Variants in EPB41L5 observed in about 807,000 individuals in gnomAD.
EPB41L5 encodes the protein erythrocyte membrane protein band 4.1 like 5.
EPB41L5 carries 55 observed loss-of-function variants against 106.6 expected under a neutral mutation model. The ratio of observed to expected loss-of-function variants is 0.52; its 90% CI spans 0.42 to 0.65. EPB41L5 has a LOEUF of 0.65. EPB41L5 is among the 30% of genes least tolerant of loss of function. EPB41L5 has a pLI of 0.00. For missense variants in EPB41L5, 871 were observed against 882.1 expected (o/e 0.99, Z 0.16); for synonymous variants, 297 against 306.7 (o/e 0.97, Z 0.33).
intron 24 of EPB41L5, among the ~76,000 whole-genome samples, chr2:120,170,443 G>A (rs910564459): frequency 6.6e-6 from 1 of 152,348 alleles, no homozygotes; most frequent in East Asian, 1.9e-4. Flanking sequence ...CAGAGCTCTT[G>A]GCAGGATTCA....
At chr2:120,024,804 G>A (rs755826467) in intron 2 of EPB41L5, among the ~76,000 whole-genome samples, 4 of 152,058 alleles carry the variant, frequency 2.6e-5, no homozygotes, top group Non-Finnish European at 4.4e-5. Context: ...GATGGATTAC[G>A]TTTATTGATT....
chr2:120,160,629 G>A (rs1229653922), intron 20 of EPB41L5: 1 of 416,792 alleles, frequency 2.4e-6, no homozygotes, highest in African/African-American at 2.0e-5. Flanking sequence ...CAGCGTAAGA[G>A]GGTTACCCTT....
intron 3 of EPB41L5, among the ~76,000 whole-genome samples, chr2:120,047,754 A>G (rs1043675649): frequency 1.3e-5 from 2 of 152,180 alleles, no homozygotes; most frequent in African/African-American, 4.8e-5. Flanking sequence ...TTCAAAGGGA[A>G]TGCTTCCAGT....
At chr2:120,123,646 CTTTTTTTTTTTTTT>C (rs869296989) in intron 16 of EPB41L5, among the ~76,000 whole-genome samples, 1 of 68,304 alleles carries the variant, frequency 1.5e-5, no homozygotes, top group Non-Finnish European at 2.8e-5. Context: ...GTGTTCGTCC[CTTTTTTTTTTTTTT>C]TTTTTTTTTT....
At chr2:120,116,870 AT>A (rs1232334212) in intron 16 of EPB41L5, among the ~76,000 whole-genome samples, 1 of 152,098 alleles carries the variant, frequency 6.6e-6, no homozygotes, top group Non-Finnish European at 1.5e-5. Flanking sequence ...AAAAGAATGA[AT>A]GTCAAAATAC....
At chr2:120,106,014 GC>G (rs1431881652) in intron 16 of EPB41L5, 42 of 984,912 alleles carry the variant, frequency 4.3e-5, no homozygotes, top group Non-Finnish European at 5.1e-5. Flanking sequence ...TGCAGGACAT[GC>G]TCATATAATG....
intron 24 of EPB41L5, among the ~76,000 whole-genome samples, chr2:120,171,885 G>A (rs1687689963): frequency 6.6e-6 from 1 of 151,866 alleles, no homozygotes; most frequent in African/African-American, 2.4e-5. Context: ...TAAAGGCAAT[G>A]TGAATTTTGA....
intron 24 of EPB41L5, among the ~76,000 whole-genome samples, chr2:120,169,437 A>ATCTT (rs1402275280): frequency 4.6e-5 from 7 of 152,338 alleles, no homozygotes; most frequent in Admixed American, 3.9e-4. Flanking sequence ...ATAGACAAAG[A>ATCTT]TCTTTTAAAC....
At chr2:120,062,873 A>G (rs1387683875) in intron 3 of EPB41L5, among the ~76,000 whole-genome samples, 1 of 152,148 alleles carries the variant, frequency 6.6e-6, no homozygotes, top group Non-Finnish European at 1.5e-5. Flanking sequence ...AATACCACAG[A>G]GGATTCTGTT....
chr2:120,117,511 C>T lies in EPB41L5; in HGVS notation c.1338-10177C>T, dbSNP rs73952038. Reference sequence around the variant, plus strand: ...GCCTGACTCTCCTTCATTGAGGATTCTGCATTTGACCAGCAGAGTATGAGA... The same window carrying T: ...GCCTGACTCTCCTTCATTGAGGATTTTGCATTTGACCAGCAGAGTATGAGA... On this transcript the variant is annotated intron_variant, in intron 16 of 24. Coordinates refer to ENST00000263713, the MANE Select transcript of EPB41L5 (RefSeq NM_020909.4). Among the ~76,000 whole-genome samples the T allele has an allele frequency of 7.7e-3, 1,168 of 152,268 alleles. 12 individuals carry two copies. The highest frequency in any genetic ancestry group is 0.027 in the African/African-American group (1,108 of 41,572).
chr2:120,080,042 T>TA (rs1682533261), intron 10 of EPB41L5, among the ~76,000 whole-genome samples: 1 of 152,208 alleles, frequency 6.6e-6, no homozygotes, highest in Non-Finnish European at 1.5e-5. Context: ...TCTTTCTTGA[T>TA]AATTAGGCTG....
At chr2:120,132,499 A>T (rs1184884984) in intron 18 of EPB41L5, among the ~76,000 whole-genome samples, 3 of 152,220 alleles carry the variant, frequency 2.0e-5, no homozygotes, top group Non-Finnish European at 4.4e-5. Context: ...AGAGACCAGC[A>T]GAGAGTAGAA....
chr2:120,124,577 A>C (rs1685375150), intron 16 of EPB41L5, among the ~76,000 whole-genome samples: 1 of 152,224 alleles, frequency 6.6e-6, no homozygotes, highest in African/African-American at 2.4e-5. Context: ...CAAAAATCAA[A>C]GATAGGTTTT....
At chr2:120,055,546 T>G (rs1388845668) in intron 3 of EPB41L5, among the ~76,000 whole-genome samples, 1 of 138,784 alleles carries the variant, frequency 7.2e-6, no homozygotes, top group East Asian at 2.2e-4. Context: ...TGGAGTGCAG[T>G]GGTGTGATCT....
chr2:120,116,997 C>G (rs1420397136), intron 16 of EPB41L5, among the ~76,000 whole-genome samples: 1 of 151,900 alleles, frequency 6.6e-6, no homozygotes, highest in Non-Finnish European at 1.5e-5. Flanking sequence ...TGGATGTTAC[C>G]CTTGAAAATA....
chr2:120,071,017 A>G (rs564575925), intron 3 of EPB41L5, among the ~76,000 whole-genome samples: 43 of 152,228 alleles, frequency 2.8e-4, no homozygotes, highest in African/African-American at 1.0e-3. Context: ...GAAATAAAGC[A>G]TATTCATATG....
chr2:120,070,142 A>G (rs1681756546), intron 3 of EPB41L5, among the ~76,000 whole-genome samples: 1 of 152,184 alleles, frequency 6.6e-6, no homozygotes, highest in African/African-American at 2.4e-5. Context: ...AAAATGATAA[A>G]ATGGAAATCA....
At chr2:120,095,681 T>C (rs540022267) in intron 14 of EPB41L5, among the ~76,000 whole-genome samples, 1 of 152,118 alleles carries the variant, frequency 6.6e-6, no homozygotes, top group Non-Finnish European at 1.5e-5. Flanking sequence ...TTAATTAATT[T>C]TTTTTGAGAC....
intron 13 of EPB41L5, 81 bp from the exon 14 acceptor site, chr2:120,093,168 G>C: frequency 9.0e-7 from 1 of 1,109,328 alleles, no homozygotes. Context: ...AAAGCAATTA[G>C]TTAAAGTTTT....
Sources: gnomAD v4.1 joint callset for allele counts (sites outside exome capture counted in the v4.1 genomes callset) on GRCh38, gnomAD v4.1.1 for gene constraint, MANE v1.5 for transcripts, NCBI Gene and HGNC (gene_info 2026-07-23, HGNC 2026-07-21) for gene names.